The following PDE1C variants were observed in gnomAD, a reference collection of about 807,000 sequenced individuals.
PDE1C encodes phosphodiesterase 1C.
PDE1C carries 62 observed loss-of-function variants against 93.1 expected under a neutral mutation model. That is an observed-to-expected ratio of 0.67 (90% CI 0.54 to 0.82). The LOEUF (loss-of-function observed/expected upper bound fraction) is 0.82, where lower values mean the gene tolerates loss of function less well. PDE1C is among the 40% of genes least tolerant of loss of function. PDE1C has a pLI of 0.00. For missense variants in PDE1C, 742 were observed against 884.6 expected (o/e 0.84, Z 2.04); for synonymous variants, 325 against 310.1 (o/e 1.05, Z -0.50).
intron 13 of PDE1C, 83 bp downstream of exon 13, chr7:31,824,784 C>A (rs1183514226): frequency 9.1e-6 from 14 of 1,535,642 alleles, no homozygotes; most frequent in Non-Finnish European, 1.2e-5. Context: ...TTATGAAATA[C>A]CATCCCCATC....
chr7:32,227,420 T>G (rs541081278), intron 1 of PDE1C, among the ~76,000 whole-genome samples: 1 of 152,262 alleles, frequency 6.6e-6, no homozygotes, highest in African/African-American at 2.4e-5. Flanking sequence ...TGTAAATGAA[T>G]AGCGATTTAA....
At chr7:31,687,772 A>C in the PDE1C span, among the ~76,000 whole-genome samples, 1 of 152,208 alleles carries the variant, frequency 6.6e-6, no homozygotes, top group African/African-American at 2.4e-5. Flanking sequence ...AAGAGGTTTG[A>C]CAATGAATAT....
intron 1 of PDE1C, among the ~76,000 whole-genome samples, chr7:32,354,161 T>C (rs769819870): frequency 6.6e-6 from 1 of 152,220 alleles, no homozygotes; most frequent in Non-Finnish European, 1.5e-5. Context: ...TGCCAAATTA[T>C]TTCAGGAGAA....
At chr7:31,636,867 A>G in the PDE1C span, among the ~76,000 whole-genome samples, 1 of 129,442 alleles carries the variant, frequency 7.7e-6, no homozygotes, top group Admixed American at 7.6e-5. Context: ...TCCTAATGCT[A>G]TCCCTCCCCC....
chr7:31,672,591 A>G, the PDE1C span, among the ~76,000 whole-genome samples: 1 of 151,576 alleles, frequency 6.6e-6, no homozygotes, highest in South Asian at 2.1e-4. Context: ...TTAATTGTAT[A>G]TTCAAATTAT....
intron 1 of PDE1C, among the ~76,000 whole-genome samples, chr7:32,295,135 A>G (rs779103025): frequency 1.9e-4 from 29 of 152,364 alleles, no homozygotes; most frequent in South Asian, 8.3e-4. Flanking sequence ...ATCTTCCTCC[A>G]GGGAGCAGCA....
intron 1 of PDE1C, among the ~76,000 whole-genome samples, chr7:32,267,681 A>C (rs968545215): frequency 1.3e-5 from 2 of 148,444 alleles, no homozygotes; most frequent in Admixed American, 6.7e-5. Flanking sequence ...CTTCTCTAGC[A>C]CCCCTGGCAG....
chr7:32,181,512 C>A lies in PDE1C; in HGVS notation c.137-11556G>T, dbSNP rs543671290. Among the ~76,000 whole-genome samples the A allele has an allele frequency of 1.4e-4, 22 of 152,172 alleles. No individual in the cohort carries two copies. In the East Asian group the frequency reaches 1.5e-3, roughly 11 times the overall value. ...TAAGAAACTCACTCAAAACTGCTCACCTACATGGAAACTGAACAACCTGCT... is the reference window on the plus strand; with the variant it reads ...TAAGAAACTCACTCAAAACTGCTCAACTACATGGAAACTGAACAACCTGCT... On this transcript the variant is annotated intron_variant, in intron 2 of 18. Transcript: ENST00000396193.
rs5883321 is a variant in PDE1C at position 32,034,054 on chromosome 7, C to CTGTGTGTGTGTGTGTGTGTGTG, written c.128+17478_128+17499dup. Among the ~76,000 whole-genome samples the CTGTGTGTGTGTGTGTGTGTGTG allele has an allele frequency of 9.4e-5, 14 of 148,396 alleles. 1 individual carries two copies. Among genetic ancestry groups the CTGTGTGTGTGTGTGTGTGTGTG allele is most frequent in the African/African-American group, 3.3e-4 (13 of 39,772 alleles). On this transcript the variant is annotated intron_variant, in intron 2 of 17. Coordinates refer to ENST00000396191, the MANE Select transcript of PDE1C (RefSeq NM_001191057.4). ...TAATCAGTGGTAGTAAGATGAGAGA[C>CTGTGTGTGTGTGTGTGTGTGTG]TGTGTGTGTGTGTGTGTGTGTGTGT...
At chr7:31,782,942 G>A (rs1261522700) in intron 16 of PDE1C, among the ~76,000 whole-genome samples, 2 of 152,226 alleles carry the variant, frequency 1.3e-5, no homozygotes, top group Non-Finnish European at 2.9e-5. Context: ...CCTAAGCTAT[G>A]ATTCAAACAC....
chr7:31,790,306 C>T (rs1304759441), intron 16 of PDE1C: 2 of 1,529,148 alleles, frequency 1.3e-6, no homozygotes, highest in Admixed American at 1.7e-5. Flanking sequence ...CTGCCTTTCC[C>T]CCCGCCCACC....
intron 1 of PDE1C, among the ~76,000 whole-genome samples, chr7:32,326,693 G>C (rs967192147): frequency 6.6e-6 from 1 of 152,164 alleles, no homozygotes; most frequent in African/African-American, 2.4e-5. Context: ...GAGAGAAAAT[G>C]GGGAGATTTT....
chr7:32,294,807 G>A (rs1460468488), intron 1 of PDE1C, among the ~76,000 whole-genome samples: 1 of 152,174 alleles, frequency 6.6e-6, no homozygotes, highest in African/African-American at 2.4e-5. Flanking sequence ...TACCTCACCA[G>A]AGTCAATTTA....
chr7:32,264,847 T>C (rs1277638071), intron 1 of PDE1C, among the ~76,000 whole-genome samples: 1 of 152,220 alleles, frequency 6.6e-6, no homozygotes, highest in Non-Finnish European at 1.5e-5. Context: ...CTGAGGAGCC[T>C]CTTGCACTTC....
At chr7:31,977,364 C>T (rs2893409) in intron 2 of PDE1C, among the ~76,000 whole-genome samples, 43,626 of 152,020 alleles carry the variant, frequency 0.29, 6,970 homozygotes, top group East Asian at 0.5. Flanking sequence ...CCTCCAGAAT[C>T]GTGAGCTAAA....
chr7:32,374,746 G>T (rs920038604), intron 1 of PDE1C, among the ~76,000 whole-genome samples: 3 of 152,242 alleles, frequency 2.0e-5, no homozygotes, highest in African/African-American at 7.2e-5. Flanking sequence ...GCTTTGCTAT[G>T]CAGCAATAGT....
At chr7:31,697,542 T>C in the PDE1C span, among the ~76,000 whole-genome samples, 3 of 152,196 alleles carry the variant, frequency 2.0e-5, no homozygotes, top group African/African-American at 7.2e-5. Context: ...AGGATAGCTA[T>C]CTGAATGTGT....
At chr7:31,624,317 A>G in the PDE1C span, among the ~76,000 whole-genome samples, 1 of 146,728 alleles carries the variant, frequency 6.8e-6, no homozygotes, top group African/African-American at 2.5e-5. Flanking sequence ...TCACCAAGGC[A>G]ATCCTAAGCC....
At chr7:31,707,310 A>C in the PDE1C span, 1 of 1,591,664 alleles carries the variant, frequency 6.3e-7, no homozygotes, top group Non-Finnish European at 8.6e-7. Context: ...ACCACTTGTA[A>C]ATAGGTTAGA....
Sources: allele counts gnomAD v4.1 joint callset (sites outside exome capture counted in the v4.1 genomes callset), GRCh38; gene constraint gnomAD v4.1.1; transcripts MANE v1.5; gene names NCBI Gene and HGNC (gene_info 2026-07-23, HGNC 2026-07-21).